The following PPP2R3A variants were observed in gnomAD, a reference collection of about 807,000 sequenced individuals.
PPP2R3A encodes the protein protein phosphatase 2 regulatory subunit B''alpha.
PPP2R3A carries 80 observed loss-of-function variants against 106.9 expected under a neutral mutation model. The ratio of observed to expected loss-of-function variants is 0.75; its 90% CI spans 0.62 to 0.90. PPP2R3A has a LOEUF of 0.90. PPP2R3A is among the 40% of genes least tolerant of loss of function. The probability of loss-of-function intolerance (pLI) is 0.00; values close to 1 mark genes in which losing one functional copy is unlikely to be tolerated. For missense variants in PPP2R3A, 1,386 were observed against 1,350.4 expected, an observed-to-expected ratio of 1.03 and a Z score of -0.41; for synonymous variants, 483 against 468.3, an observed-to-expected ratio of 1.03 and a Z score of -0.41.
At chr3:136,029,528 C>G (rs1289417402) in intron 3 of PPP2R3A, among the ~76,000 whole-genome samples, 1 of 152,108 alleles carries the variant, frequency 6.6e-6, no homozygotes, top group Admixed American at 6.6e-5. Context: ...GGATAGAGGT[C>G]TCTGGAAGGT....
chr3:136,124,136 A>G (rs1938095948), intron 13 of PPP2R3A, among the ~76,000 whole-genome samples: 1 of 152,256 alleles, frequency 6.6e-6, no homozygotes. Flanking sequence ...GCATAGGTCA[A>G]AGAAAAAACC....
intron 1 of PPP2R3A, among the ~76,000 whole-genome samples, chr3:135,976,046 A>G (rs182551663): frequency 6.6e-6 from 1 of 152,068 alleles, no homozygotes; most frequent in East Asian, 1.9e-4. Context: ...GATTATTTGT[A>G]TTTATTTTTC....
intron 11 of PPP2R3A, 124 bp downstream of exon 11, chr3:136,102,306 G>T: frequency 1.3e-5 from 10 of 781,184 alleles, no homozygotes; most frequent in East Asian, 3.7e-5. Context: ...TAGGACAGAA[G>T]TGTTTAAAGT....
intron 13 of PPP2R3A, among the ~76,000 whole-genome samples, chr3:136,110,119 G>C (rs942786250): frequency 6.6e-6 from 1 of 152,032 alleles, no homozygotes. Context: ...TCATATCCCT[G>C]TTCTCATTAA....
chr3:136,130,259 A>G (rs1025553331), intron 13 of PPP2R3A, among the ~76,000 whole-genome samples: 22 of 152,192 alleles, frequency 1.4e-4, no homozygotes, highest in African/African-American at 5.1e-4. Context: ...TTGTATATTG[A>G]GAAAACCCCA....
intron 8 of PPP2R3A, among the ~76,000 whole-genome samples, chr3:136,086,001 A>T (rs775497367): frequency 2.0e-5 from 3 of 152,104 alleles, no homozygotes; most frequent in Non-Finnish European, 2.9e-5. Context: ...GTGGTAGCAC[A>T]TGCCTGTAGT....
At chr3:136,143,667 G>A (rs1430930305) in intron 13 of PPP2R3A, among the ~76,000 whole-genome samples, 1 of 150,904 alleles carries the variant, frequency 6.6e-6, no homozygotes, top group Non-Finnish European at 1.5e-5. Context: ...GCACATGCCT[G>A]TAAATCCCAG....
At chr3:135,965,897 C>T (rs966368726) in intron 1 of PPP2R3A, 48 bp downstream of exon 1, 1 of 148,926 alleles carries the variant, frequency 6.7e-6, no homozygotes, top group African/African-American at 2.5e-5. Flanking sequence ...TCAGCTCCCT[C>T]GTCCCGGCCC....
At chr3:135,969,983 T>C (rs1207022913) in intron 1 of PPP2R3A, among the ~76,000 whole-genome samples, 1 of 152,362 alleles carries the variant, frequency 6.6e-6, no homozygotes, top group East Asian at 1.9e-4. Flanking sequence ...TTTGAGCATG[T>C]GATCCCTGGT....
chr3:136,002,660 C>G lies in PPP2R3A; in HGVS notation c.1162C>G (p.Leu388Val). The stretch of plus-strand genomic sequence containing the variant: ...CTTAGAGGTAAATGATCCTAGAACT[C>G]TAAAAGCTGTCCAGGTCCAATCACA... ...YNLEVNDPRT[L>V]KAVQVQSQSL... The change falls in exon 2 of 14, where the codon CTA becomes GTA. Residue 388 changes from leucine (L) to valine (V), a missense_variant. Coordinates refer to ENST00000264977, the MANE Select transcript of PPP2R3A (RefSeq NM_002718.5). The G allele has an allele frequency of 6.2e-7, 1 of 1,613,548 alleles. No individual in the cohort carries two copies. The highest frequency in any genetic ancestry group is 8.5e-7 in the Non-Finnish European group (1 of 1,179,526).
chr3:135,968,954 C>T (rs1459762234), intron 1 of PPP2R3A, among the ~76,000 whole-genome samples: 1 of 152,126 alleles, frequency 6.6e-6, no homozygotes, highest in East Asian at 1.9e-4. Flanking sequence ...AACCATTCCC[C>T]CACTGACAGA....
intron 7 of PPP2R3A, among the ~76,000 whole-genome samples, chr3:136,079,925 C>T (rs912176168): frequency 6.6e-6 from 1 of 152,062 alleles, no homozygotes; most frequent in Non-Finnish European, 1.5e-5. Flanking sequence ...TCTTCCTCTT[C>T]GTACTTAAAC....
chr3:136,056,344 G>A (rs1306751021), intron 5 of PPP2R3A, among the ~76,000 whole-genome samples: 2 of 152,156 alleles, frequency 1.3e-5, no homozygotes, highest in Non-Finnish European at 2.9e-5. Context: ...TAAAAATAAT[G>A]TGTCAATATC....
intron 10 of PPP2R3A, among the ~76,000 whole-genome samples, chr3:136,098,001 A>G (rs990464323): frequency 6.6e-6 from 1 of 152,222 alleles, no homozygotes; most frequent in Non-Finnish European, 1.5e-5. Flanking sequence ...ACCATAGCCA[A>G]CCTATTACCT....
chr3:135,997,822 T>C (rs754413711), intron 1 of PPP2R3A, among the ~76,000 whole-genome samples: 119 of 152,314 alleles, frequency 7.8e-4, no homozygotes, highest in Non-Finnish European at 2.6e-4. Flanking sequence ...GTTATTACTG[T>C]CACCTACTTG....
chr3:136,071,519 C>T (rs563451904), intron 6 of PPP2R3A, among the ~76,000 whole-genome samples: 72 of 152,278 alleles, frequency 4.7e-4, no homozygotes, highest in African/African-American at 1.7e-3. Flanking sequence ...TACTAAATTA[C>T]CTCTACCACA....
rs1937516235 is a variant in PPP2R3A, at chr3:136,106,328, T to G, written c.3329+6T>G. 6.2e-7 allele frequency: 1 copy of G among 1,609,322 alleles called. No individual in the cohort carries two copies. The highest frequency in any genetic ancestry group is 1.7e-5 in the Admixed American group (1 of 59,950). On this transcript the variant is annotated splice_donor_region_variant and intron_variant, in intron 13 of 13. Transcript: ENST00000264977. ...CAAGCACAATTCCAGGAAGGGTGAG[T>G]AAGTTTCCCTATGTCTTATAGAATT...
intron 1 of PPP2R3A, among the ~76,000 whole-genome samples, chr3:135,997,594 A>G (rs1933451458): frequency 6.6e-6 from 1 of 152,326 alleles, no homozygotes; most frequent in East Asian, 1.9e-4. Context: ...ATCACCACTT[A>G]GATATTCCAC....
intron 4 of PPP2R3A, 119 bp from the exon 5 acceptor site, chr3:136,049,140 C>T (rs1935583493): frequency 2.8e-6 from 2 of 704,510 alleles, no homozygotes; most frequent in East Asian, 5.2e-5. Context: ...TATGTAAATT[C>T]CTTACTTGAT....
Sources: gnomAD v4.1 joint callset for allele counts (sites outside exome capture counted in the v4.1 genomes callset) on GRCh38, gnomAD v4.1.1 for gene constraint, MANE v1.5 for transcripts, NCBI Gene and HGNC (gene_info 2026-07-23, HGNC 2026-07-21) for gene names.